PRR16: variants seen among roughly 807,000 people sequenced by gnomAD.
The protein encoded by PRR16 is proline rich 16, also known as protein Largen.
Under a neutral mutation model 18.2 loss-of-function variants are expected in PRR16, and 6 were observed. The observed-to-expected ratio is 0.33, with a 90% CI of 0.18 to 0.65. The LOEUF is 0.65. Among genes scored for constraint, PRR16 ranks in the 30% least tolerant of loss-of-function variants. The pLI is 0.74. For synonymous variants in PRR16, 151 were observed against 147.8 expected (o/e 1.02, Z -0.16); for missense variants, 412 against 376.6 (o/e 1.09, Z -0.78).
At chr5:120,696,260 A>T in the PRR16 span, among the ~76,000 whole-genome samples, 12 of 151,996 alleles carry the variant, frequency 7.9e-5, no homozygotes, top group African/African-American at 2.9e-4. Context: ...AAAACAAAAA[A>T]CCCACAGTGG....
intron 1 of PRR16, among the ~76,000 whole-genome samples, chr5:120,563,850 G>T (rs1035337037): frequency 2.0e-5 from 3 of 152,166 alleles, no homozygotes; most frequent in Non-Finnish European, 2.9e-5. Flanking sequence ...CACCATAGCT[G>T]GGAATGTGCT....
At chr5:120,589,543 G>C (rs1032501852) in intron 1 of PRR16, among the ~76,000 whole-genome samples, 1 of 152,050 alleles carries the variant, frequency 6.6e-6, no homozygotes, top group Non-Finnish European at 1.5e-5. Flanking sequence ...ACTGAGACTG[G>C]GAGGATAAAA....
chr5:120,722,964 A>G, the PRR16 span, among the ~76,000 whole-genome samples: 3 of 151,486 alleles, frequency 2.0e-5, no homozygotes, highest in Non-Finnish European at 4.4e-5. Context: ...AGAATTATAT[A>G]TATAATAAGC....
intron 1 of PRR16, among the ~76,000 whole-genome samples, chr5:120,473,924 T>C (rs1749353172): frequency 6.6e-6 from 1 of 152,154 alleles, no homozygotes; most frequent in Non-Finnish European, 1.5e-5. Context: ...ACTGAGAAAG[T>C]GGCATGGTGG....
At chr5:120,715,575 T>C in the PRR16 span, among the ~76,000 whole-genome samples, 2 of 152,240 alleles carry the variant, frequency 1.3e-5, no homozygotes, top group Non-Finnish European at 2.9e-5. Context: ...CAATGCTATC[T>C]GCAATTTCAC....
rs545025875 is a variant in PRR16, at chr5:120,616,949, T to A, written c.160-69005T>A. On this transcript the variant is annotated intron_variant, in intron 1 of 1. Transcript: ENST00000407149. ...TGTTCACTCTTCTCTTCCATCCATG[T>A]GTAATTTCCATCAGTATATCCTATT... 122 of 182,236 alleles carry A rather than the reference T, an allele frequency of 6.7e-4. 1 individual carries two copies. In the South Asian group the frequency reaches 0.011, roughly 17 times the overall value. 11.3% of individuals were successfully genotyped at this position (182,236 alleles called of 1,614,324 possible). A position where few individuals can be genotyped will look rare whatever the true frequency, so the allele number is the denominator to read the frequency against.
intron 1 of PRR16, among the ~76,000 whole-genome samples, chr5:120,615,261 A>T (rs1051987708): frequency 3.9e-5 from 6 of 152,126 alleles, no homozygotes; most frequent in Non-Finnish European, 8.8e-5. Context: ...CTGATTATAG[A>T]AACCACACTT....
the PRR16 span, among the ~76,000 whole-genome samples, chr5:120,715,240 A>G: frequency 6.6e-6 from 1 of 152,218 alleles, no homozygotes; most frequent in African/African-American, 2.4e-5. Flanking sequence ...TACAGACAGT[A>G]TAAAAAATAA....
the PRR16 span, among the ~76,000 whole-genome samples, chr5:120,731,146 T>C: frequency 6.6e-6 from 1 of 152,292 alleles, no homozygotes; most frequent in Non-Finnish European, 1.5e-5. Flanking sequence ...TCTCAGAATC[T>C]AACAAGTTCT....
At chr5:120,759,362 C>A in the PRR16 span, among the ~76,000 whole-genome samples, 1 of 151,922 alleles carries the variant, frequency 6.6e-6, no homozygotes, top group African/African-American at 2.4e-5. Flanking sequence ...TAAAATCTTA[C>A]CAAAACATTT....
chr5:120,664,118 A>G (rs1756274030), intron 1 of PRR16, among the ~76,000 whole-genome samples: 1 of 151,972 alleles, frequency 6.6e-6, no homozygotes, highest in African/African-American at 2.4e-5. Context: ...TACCAACATG[A>G]TGAAACCCTG....
the PRR16 span, among the ~76,000 whole-genome samples, chr5:120,785,840 A>T: frequency 1.3e-5 from 2 of 151,578 alleles, no homozygotes; most frequent in African/African-American, 4.8e-5. Context: ...AAGTGCTGGG[A>T]TTACAGATGT....
At chr5:120,679,600 A>C (rs184574694) in intron 1 of PRR16, among the ~76,000 whole-genome samples, 1 of 152,284 alleles carries the variant, frequency 6.6e-6, no homozygotes, top group East Asian at 1.9e-4. Flanking sequence ...ATAGCATCTG[A>C]AAGATTTACT....
chr5:120,685,642 A>T (rs1422978825), intron 1 of PRR16, among the ~76,000 whole-genome samples: 1 of 152,126 alleles, frequency 6.6e-6, no homozygotes, highest in African/African-American at 2.4e-5. Flanking sequence ...GATTATTTTT[A>T]AAAATCAGTT....
In PRR16 at chr5:120,508,680, G is replaced by A. The variant is rs142072266; in HGVS notation, c.159+44035G>A. Among the ~76,000 whole-genome samples, 133 of 152,154 alleles carry A rather than the reference G, an allele frequency of 8.7e-4. 1 individual carries two copies. Among genetic ancestry groups the A allele is most frequent in the African/African-American group, 2.9e-3 (121 of 41,522 alleles). On this transcript the variant is annotated intron_variant, in intron 1 of 1. Coordinates refer to ENST00000407149, the MANE Select transcript of PRR16 (RefSeq NM_001300783.2). Reference sequence around the variant, plus strand: ...ATAAATTGTGTCTTTAATTAACAGAGACTTATTTGGATAACGTCATTCTGC... The same window carrying A: ...ATAAATTGTGTCTTTAATTAACAGAAACTTATTTGGATAACGTCATTCTGC...
At chr5:120,681,268 T>C (rs12187844) in intron 1 of PRR16, among the ~76,000 whole-genome samples, 44,583 of 152,070 alleles carry the variant, frequency 0.29, 6,992 homozygotes, top group Middle Eastern at 0.41. Context: ...TGCTCACTTT[T>C]TATTTCTTAT....
chr5:120,630,942 A>T (rs1755031466), intron 1 of PRR16, among the ~76,000 whole-genome samples: 1 of 152,192 alleles, frequency 6.6e-6, no homozygotes, highest in Non-Finnish European at 1.5e-5. Context: ...ATTGAGATAA[A>T]TATAAGTCTC....
At position 120,489,884 on chromosome 5, in the gene PRR16, A is replaced by G. The variant is rs567419079; in HGVS notation, c.159+25239A>G. On this transcript the variant is annotated intron_variant, in intron 1 of 1. Coordinates refer to ENST00000407149, the MANE Select transcript of PRR16 (RefSeq NM_001300783.2). ...TCTCTCAGCATTTGCTTGTCTGTAA[A>G]GTATTTTATTTCTCCTTCATTTATG... Among the ~76,000 whole-genome samples the G allele has an allele frequency of 1.4e-4, 21 of 152,204 alleles. 1 individual carries two copies. Among genetic ancestry groups the G allele is most frequent in the Admixed American group, 1.2e-3 (18 of 15,286 alleles).
chr5:120,615,475 G>A (rs1168950910), intron 1 of PRR16, among the ~76,000 whole-genome samples: 2 of 145,522 alleles, frequency 1.4e-5, no homozygotes, highest in Non-Finnish European at 3.0e-5. Flanking sequence ...TATTAAAATA[G>A]AGAAAATAGT....
Sources: gnomAD v4.1 joint callset for allele counts (sites outside exome capture counted in the v4.1 genomes callset) on GRCh38, gnomAD v4.1.1 for gene constraint, MANE v1.5 for transcripts, NCBI Gene and HGNC (gene_info 2026-07-23, HGNC 2026-07-21) for gene names.